The following LRP1B variants were observed in gnomAD, a reference collection of about 807,000 sequenced individuals.
LRP1B encodes the protein LDL receptor related protein 1B.
A neutral mutation model predicts 556.6 loss-of-function variants in LRP1B; 217 were observed. The ratio of observed to expected loss-of-function variants is 0.39; its 90% CI spans 0.35 to 0.44. The LOEUF (loss-of-function observed/expected upper bound fraction) is 0.44, where lower values mean the gene tolerates loss of function less well. Among genes scored for constraint, LRP1B ranks in the 20% least tolerant of loss-of-function variants. The pLI is 1.00. For synonymous variants in LRP1B, 2,047 were observed against 1,865.8 expected (o/e 1.10, Z -2.50); for missense variants, 5,053 against 5,620.8 (o/e 0.90, Z 3.23).
chr2:140,830,870 G>A (rs150343890), intron 31 of LRP1B, among the ~76,000 whole-genome samples: 66 of 152,128 alleles, frequency 4.3e-4, no homozygotes, highest in Admixed American at 1.2e-3. Flanking sequence ...TAATGTTGCC[G>A]GATTTATCAC....
At chr2:141,580,246 T>C (rs770775469) in intron 2 of LRP1B, among the ~76,000 whole-genome samples, 1 of 152,142 alleles carries the variant, frequency 6.6e-6, no homozygotes, top group Non-Finnish European at 1.5e-5. Flanking sequence ...TTACATCACA[T>C]GGATGGAGTA....
intron 1 of LRP1B, among the ~76,000 whole-genome samples, chr2:141,976,335 T>G (rs1410377747): frequency 6.6e-6 from 1 of 152,204 alleles, no homozygotes; most frequent in Admixed American, 6.5e-5. Flanking sequence ...GAATGCTAAA[T>G]TACATAAATT....
chr2:140,793,197 A>G (rs1203292103), intron 32 of LRP1B, among the ~76,000 whole-genome samples: 1 of 151,950 alleles, frequency 6.6e-6, no homozygotes, highest in Non-Finnish European at 1.5e-5. Flanking sequence ...AGTTTCTGAT[A>G]TCTTTAAATG....
chr2:140,659,322 T>C (rs1266201844), intron 41 of LRP1B, among the ~76,000 whole-genome samples: 2 of 151,948 alleles, frequency 1.3e-5, no homozygotes, highest in Admixed American at 6.6e-5. Context: ...TATGGAATGA[T>C]ACTACCCTGT....
At chr2:140,422,899 C>T (rs1685505341) in intron 66 of LRP1B, among the ~76,000 whole-genome samples, 1 of 152,114 alleles carries the variant, frequency 6.6e-6, no homozygotes, top group Non-Finnish European at 1.5e-5. Context: ...TCGGTCCTGC[C>T]TTTTATTGCG....
chr2:141,822,802 T>C (rs971705588), intron 1 of LRP1B, among the ~76,000 whole-genome samples: 10 of 152,174 alleles, frequency 6.6e-5, no homozygotes, highest in Non-Finnish European at 1.3e-4. Flanking sequence ...ACTAAGAATA[T>C]AATGATGAAG....
rs151165442 is a variant in LRP1B, at chr2:140,254,147, T to C, written c.13248-6985A>G. Among the ~76,000 whole-genome samples the C allele has an allele frequency of 4.1e-3, 617 of 151,930 alleles. 3 individuals carry two copies. Among genetic ancestry groups the C allele is most frequent in the Non-Finnish European group, 6.4e-3 (436 of 67,982 alleles). ...TACAGGGTTATGAGACTTGAAATTA[T>C]AAAGGCGATGTCTGGCATATTCAAC... is the stretch of plus-strand genomic sequence containing the variant. On this transcript the variant is annotated intron_variant, in intron 86 of 90. Coordinates refer to ENST00000389484, the MANE Select transcript of LRP1B (RefSeq NM_018557.3).
At chr2:140,991,970 T>C (rs1184165251) in intron 16 of LRP1B, among the ~76,000 whole-genome samples, 4 of 152,068 alleles carry the variant, frequency 2.6e-5, no homozygotes, top group African/African-American at 9.7e-5. Flanking sequence ...TTTATTTTGT[T>C]GGTTGTGCAG....
At chr2:141,646,420 T>C (rs143462583) in intron 2 of LRP1B, among the ~76,000 whole-genome samples, 5 of 152,288 alleles carry the variant, frequency 3.3e-5, no homozygotes, top group African/African-American at 1.2e-4. Context: ...GAGGAATCAA[T>C]CTGCAAATGC....
At chr2:140,972,965 T>A (rs752182698) in intron 18 of LRP1B, among the ~76,000 whole-genome samples, 1 of 147,640 alleles carries the variant, frequency 6.8e-6, no homozygotes, top group African/African-American at 2.5e-5. Flanking sequence ...TATATACATA[T>A]AATACATATA....
At chr2:141,560,743 T>C in intron 2 of LRP1B, among the ~76,000 whole-genome samples, 1 of 151,684 alleles carries the variant, frequency 6.6e-6, no homozygotes, top group East Asian at 1.9e-4. Context: ...TAGGAGGTTT[T>C]ATAGAAAACT....
chr2:141,015,634 A>G, intron 13 of LRP1B, 62 bp downstream of exon 13: 1 of 1,288,966 alleles, frequency 7.8e-7, no homozygotes, highest in Admixed American at 2.0e-5. Flanking sequence ...TTAACACAAC[A>G]CAACAAGGCT....
In LRP1B at chr2:140,829,640, G is replaced by A. The variant is rs76261253; in HGVS notation, c.5209+10351C>T. ...TATGCTATAAAGCAAAATCAGGGAAGTTTACAGCAATGAACACCTACATCA... is the reference window on the plus strand; with the variant it reads ...TATGCTATAAAGCAAAATCAGGGAAATTTACAGCAATGAACACCTACATCA... On this transcript the variant is annotated intron_variant, in intron 31 of 90. Coordinates refer to ENST00000389484, the MANE Select transcript of LRP1B (RefSeq NM_018557.3). Among the ~76,000 whole-genome samples the A allele has an allele frequency of 4.9e-3, 743 of 152,144 alleles. 3 individuals carry two copies. Among genetic ancestry groups the A allele is most frequent in the Non-Finnish European group, 8.4e-3 (571 of 67,968 alleles).
chr2:141,158,501 C>CTAT (rs1369548350), intron 7 of LRP1B, among the ~76,000 whole-genome samples: 1 of 152,076 alleles, frequency 6.6e-6, no homozygotes, highest in Non-Finnish European at 1.5e-5. Context: ...TCTCCTGAGT[C>CTAT]TATGCTCACC....
intron 6 of LRP1B, among the ~76,000 whole-genome samples, chr2:141,228,611 A>G (rs74606722): frequency 0.065 from 6,501 of 99,940 alleles, 161 homozygotes; most frequent in South Asian, 0.14. Context: ...GTGTGTGTGT[A>G]TGTGTGACAA....
intron 31 of LRP1B, among the ~76,000 whole-genome samples, chr2:140,817,522 T>C (rs1231948408): frequency 6.6e-6 from 1 of 151,872 alleles, no homozygotes; most frequent in Non-Finnish European, 1.5e-5. Context: ...GTTTAATTGT[T>C]ACTGAGACAA....
intron 2 of LRP1B, among the ~76,000 whole-genome samples, chr2:141,489,436 G>A (rs1056210574): frequency 6.6e-6 from 1 of 151,868 alleles, no homozygotes; most frequent in South Asian, 2.1e-4. Flanking sequence ...TATAATATCT[G>A]TAATTACCAT....
chr2:140,765,271 G>A (rs1689062193), intron 35 of LRP1B, among the ~76,000 whole-genome samples: 1 of 152,098 alleles, frequency 6.6e-6, no homozygotes, highest in Non-Finnish European at 1.5e-5. Context: ...AAGAATGTAA[G>A]TGTGAAGTTT....
chr2:141,252,699 G>A (rs418443), intron 4 of LRP1B, among the ~76,000 whole-genome samples: 32,758 of 151,914 alleles, frequency 0.22, 3,619 homozygotes, highest in South Asian at 0.25. Context: ...TTTCTACTTA[G>A]CCAGAATGCA....
Sources: gnomAD v4.1 joint callset for allele counts (sites outside exome capture counted in the v4.1 genomes callset) on GRCh38, gnomAD v4.1.1 for gene constraint, MANE v1.5 for transcripts, NCBI Gene and HGNC (gene_info 2026-07-23, HGNC 2026-07-21) for gene names.